The following RIC1 variants were observed in gnomAD, a reference collection of about 807,000 sequenced individuals.
The protein encoded by RIC1 is guanine nucleotide exchange factor subunit RIC1.
Under a neutral mutation model 169.0 loss-of-function variants are expected in RIC1, and 88 were observed. The observed-to-expected ratio is 0.52, with a 90% CI of 0.44 to 0.62. The LOEUF (loss-of-function observed/expected upper bound fraction) is 0.62. Ranked by LOEUF, RIC1 falls within the 20% of genes least tolerant of loss-of-function variation. The pLI is 0.00. For missense variants in RIC1, 1,877 were observed against 1,725.5 expected (o/e 1.09, Z -1.56); for synonymous variants, 790 against 601.5 (o/e 1.31, Z -4.59).
At chr9:5,716,237 GCTCT>G (rs1310695504) in intron 4 of RIC1, among the ~76,000 whole-genome samples, 1 of 152,114 alleles carries the variant, frequency 6.6e-6, no homozygotes, top group Non-Finnish European at 1.5e-5. Flanking sequence ...GATTGAAGAG[GCTCT>G]CTAAGGATAT....
chr9:5,757,317 A>T lies in RIC1; in HGVS notation c.1858A>T (p.Asn620Tyr). 6.2e-7 allele frequency: 1 copy of T among 1,614,018 alleles called. No individual in the cohort carries two copies. The highest frequency in any genetic ancestry group is 8.5e-7 in the Non-Finnish European group (1 of 1,179,916). ...GGGTTTCTTTTGTTTTTACAGTCCA[A>T]ATACTACTGCTGGTATTCAAGTTCT... Reference protein sequence around the residue: ...YSIERKSDGPNTTAGIQVLQE... With the variant: ...YSIERKSDGPYTTAGIQVLQE... Residue 620 changes from asparagine to tyrosine, a missense_variant, in exon 17 of 26, where the codon AAT becomes TAT. Around this residue, in one of 3 missense-constraint regions of RIC1, gnomAD observed 1,104 missense variants for 992.0 expected, o/e 1.11. Transcript: ENST00000414202.
chr9:5,717,364 A>G (rs942547782), intron 4 of RIC1, among the ~76,000 whole-genome samples: 3 of 152,106 alleles, frequency 2.0e-5, no homozygotes, highest in Non-Finnish European at 4.4e-5. Context: ...TTTGGAATAA[A>G]CGATGCTGAC....
intron 1 of RIC1, among the ~76,000 whole-genome samples, chr9:5,651,558 C>CTTTTTT (rs58654916): frequency 0.011 from 1,156 of 107,876 alleles, 1 homozygote; most frequent in East Asian, 0.024. Flanking sequence ...AGTCTTTAAT[C>CTTTTTT]TTTTTTTTTT....
intron 2 of RIC1, among the ~76,000 whole-genome samples, chr9:5,689,269 T>G (rs1821453778): frequency 6.6e-6 from 1 of 152,060 alleles, no homozygotes; most frequent in Non-Finnish European, 1.5e-5. Context: ...GCCAGAATGG[T>G]CTTGATCTCC....
intron 2 of RIC1, among the ~76,000 whole-genome samples, chr9:5,667,587 C>G (rs1334770346): frequency 6.7e-6 from 1 of 149,008 alleles, no homozygotes; most frequent in African/African-American, 2.5e-5. Flanking sequence ...TCACTGCAGT[C>G]TTGATTTCCT....
At chr9:5,745,305 A>G (rs779349105) in intron 10 of RIC1, among the ~76,000 whole-genome samples, 3 of 152,196 alleles carry the variant, frequency 2.0e-5, no homozygotes, top group Non-Finnish European at 4.4e-5. Flanking sequence ...AAGATTGAGA[A>G]TCACTAATCT....
chr9:5,756,959 G>C (rs1031419140), intron 16 of RIC1, among the ~76,000 whole-genome samples: 2 of 152,208 alleles, frequency 1.3e-5, no homozygotes, highest in Non-Finnish European at 2.9e-5. Context: ...CAGTGATTGA[G>C]AAGTAATGCA....
Position 5,750,219 on chromosome 9 carries a change from A to AG in RIC1, c.1452+2716dup, listed in dbSNP as rs536477701. Among the ~76,000 whole-genome samples, 83 of 152,038 alleles carry AG rather than the reference A, an allele frequency of 5.5e-4. 1 individual carries two copies. The highest frequency in any genetic ancestry group is 1.9e-3 in the African/African-American group (77 of 41,302). ...TACAGAACACAAAGTTTCTAGTTTTAGGCCATGTTCCTTCTAAGACTGCCA... is the reference window on the plus strand; with the variant it reads ...TACAGAACACAAAGTTTCTAGTTTTAGGGCCATGTTCCTTCTAAGACTGCCA... On this transcript the variant is annotated intron_variant, in intron 12 of 25. Transcript: ENST00000414202.
intron 8 of RIC1, among the ~76,000 whole-genome samples, chr9:5,742,046 G>C (rs370764278): frequency 3.0e-4 from 46 of 152,322 alleles, no homozygotes; most frequent in African/African-American, 1.1e-3. Flanking sequence ...GTGAGGGTTT[G>C]TGGCTTCAGA....
At chr9:5,630,361 A>G (rs369897986) in intron 1 of RIC1, among the ~76,000 whole-genome samples, 56 of 152,346 alleles carry the variant, frequency 3.7e-4, no homozygotes, top group Middle Eastern at 6.8e-3. Context: ...GGCAGTACCA[A>G]TCGATGTCAG....
intron 3 of RIC1, among the ~76,000 whole-genome samples, chr9:5,704,826 T>C (rs1694817974): frequency 6.6e-6 from 1 of 152,188 alleles, no homozygotes; most frequent in African/African-American, 2.4e-5. Flanking sequence ...GAGTTTTTAT[T>C]CATTTTGAAT....
chr9:5,644,631 A>G (rs1818413382), intron 1 of RIC1, among the ~76,000 whole-genome samples: 2 of 152,166 alleles, frequency 1.3e-5, no homozygotes, highest in Admixed American at 1.3e-4. Context: ...TTATTTGCAT[A>G]TGCCGCATTT....
Position 5,756,208 on chromosome 9 carries a change from T to C in RIC1, c.1693-4T>C. 1 of 1,511,706 alleles carries C rather than the reference T, an allele frequency of 6.6e-7. No individual in the cohort carries two copies. Among genetic ancestry groups the C allele is most frequent in the Admixed American group, 2.0e-5 (1 of 50,614 alleles). 93.6% of individuals were successfully genotyped at this position (1,511,706 alleles called of 1,614,324 possible). A position where few individuals can be genotyped will look rare whatever the true frequency, so the allele number is the denominator to read the frequency against. ...ATAATTTTCTTCATTTTTGTTTTCT[T>C]CAGCTTAGAGTATACTTGCGAACAT... On this transcript the variant is annotated splice_polypyrimidine_tract_variant and splice_region_variant and intron_variant, in intron 15 of 25. Transcript: ENST00000414202.
At chr9:5,658,835 T>A (rs1036195831) in intron 2 of RIC1, among the ~76,000 whole-genome samples, 3 of 151,816 alleles carry the variant, frequency 2.0e-5, no homozygotes, top group South Asian at 4.1e-4. Flanking sequence ...GTTTTTTTTT[T>A]TACCGAGACT....
intron 10 of RIC1, among the ~76,000 whole-genome samples, chr9:5,744,520 A>C (rs1825268438): frequency 6.6e-6 from 1 of 152,204 alleles, no homozygotes; most frequent in South Asian, 2.1e-4. Flanking sequence ...AATATTTGCA[A>C]ATACATTCTT....
At chr9:5,635,606 A>G (rs1817933992) in intron 1 of RIC1, among the ~76,000 whole-genome samples, 1 of 152,178 alleles carries the variant, frequency 6.6e-6, no homozygotes, top group African/African-American at 2.4e-5. Context: ...CTTTGAAATC[A>G]GGTTGATATG....
At chr9:5,630,145 G>C (rs1012608203) in intron 1 of RIC1, among the ~76,000 whole-genome samples, 1 of 152,176 alleles carries the variant, frequency 6.6e-6, no homozygotes, top group Non-Finnish European at 1.5e-5. Flanking sequence ...AAATAATAAG[G>C]CTTGGGAGGA....
chr9:5,641,656 CT>C (rs1818256453), intron 1 of RIC1, among the ~76,000 whole-genome samples: 2 of 115,222 alleles, frequency 1.7e-5, no homozygotes, highest in African/African-American at 1.0e-4. Flanking sequence ...AGTAGCCTGT[CT>C]CCAAGCCCAC....
At chr9:5,656,071 T>A (rs1344547921) in intron 1 of RIC1, among the ~76,000 whole-genome samples, 1 of 152,054 alleles carries the variant, frequency 6.6e-6, no homozygotes, top group South Asian at 2.1e-4. Flanking sequence ...GGGGTTTCAC[T>A]GTGTTAGCCA....
Sources: gnomAD v4.1 joint callset for allele counts (sites outside exome capture counted in the v4.1 genomes callset) on GRCh38, gnomAD v4.1.1 for gene constraint, gnomAD v4.1.1 regional missense constraint, MANE v1.5 for transcripts, NCBI Gene and HGNC (gene_info 2026-07-23, HGNC 2026-07-21) for gene names.